The following COG5 variants were observed in gnomAD, a reference collection of about 807,000 sequenced individuals.
The protein encoded by COG5 is conserved oligomeric Golgi complex subunit 5.
Under a neutral mutation model 110.4 loss-of-function variants are expected in COG5, and 86 were observed. That is an observed-to-expected ratio of 0.78 (90% confidence interval 0.65 to 0.93). The LOEUF is 0.93. Among genes scored for constraint, COG5 ranks in the 40% least tolerant of loss-of-function variants. The pLI, the probability that COG5 is intolerant of heterozygous loss-of-function variation, is 0.00. For missense variants in COG5, 1,077 were observed against 987.0 expected (o/e 1.09, Z -1.22); for synonymous variants, 360 against 334.6 (o/e 1.08, Z -0.83).
chr7:107,259,504 G>T (rs1447123277), intron 14 of COG5, among the ~76,000 whole-genome samples: 1 of 152,170 alleles, frequency 6.6e-6, no homozygotes, highest in African/African-American at 2.4e-5. Context: ...GCCAAGGTGA[G>T]GAGGTGGAGA....
intron 7 of COG5, among the ~76,000 whole-genome samples, chr7:107,380,514 A>G (rs578159656): frequency 6.6e-6 from 1 of 152,342 alleles, no homozygotes; most frequent in East Asian, 1.9e-4. Flanking sequence ...ATAAACTACC[A>G]TCAGAGAATA....
chr7:107,507,889 G>A (rs1345749966), intron 6 of COG5, among the ~76,000 whole-genome samples: 4 of 152,158 alleles, frequency 2.6e-5, no homozygotes, highest in African/African-American at 9.7e-5. Flanking sequence ...TTGGTTTTAA[G>A]AATATTCTCT....
chr7:107,562,915 C>G (rs1803997806), intron 1 of COG5, among the ~76,000 whole-genome samples: 1 of 152,116 alleles, frequency 6.6e-6, no homozygotes, highest in South Asian at 2.1e-4. Flanking sequence ...CAAGATACTG[C>G]TATTCACACT....
chr7:107,505,870 G>A (rs1798956752), intron 6 of COG5, among the ~76,000 whole-genome samples: 1 of 152,196 alleles, frequency 6.6e-6, no homozygotes, highest in Non-Finnish European at 1.5e-5. Flanking sequence ...GATGCCCAGT[G>A]TGGCTGCCAT....
chr7:107,287,037 C>CA (rs1394005262), intron 12 of COG5, among the ~76,000 whole-genome samples: 1 of 152,188 alleles, frequency 6.6e-6, no homozygotes, highest in Non-Finnish European at 1.5e-5. Flanking sequence ...CTTGGACCTA[C>CA]AGACAGAACA....
At chr7:107,206,608 T>G (rs2116138546) in intron 21 of COG5, among the ~76,000 whole-genome samples, 1 of 152,346 alleles carries the variant, frequency 6.6e-6, no homozygotes, top group East Asian at 1.9e-4. Flanking sequence ...GTATAAGAAG[T>G]GTTTAAATTC....
chr7:107,257,733 G>A (rs966017259), intron 15 of COG5, among the ~76,000 whole-genome samples: 1 of 151,910 alleles, frequency 6.6e-6, no homozygotes, highest in African/African-American at 2.4e-5. Context: ...AGACAAACAA[G>A]GTTCAGCCAT....
At chr7:107,423,568 T>A (rs969890837) in intron 6 of COG5, among the ~76,000 whole-genome samples, 2 of 151,776 alleles carry the variant, frequency 1.3e-5, no homozygotes, top group African/African-American at 4.8e-5. Flanking sequence ...AAACAAAGAA[T>A]GCTACAGAAC....
chr7:107,396,116 C>T lies in COG5; in HGVS notation c.669+16386G>A, dbSNP rs147072815. Among the ~76,000 whole-genome samples, 961 of 152,196 alleles carry T rather than the reference C, an allele frequency of 6.3e-3. 15 individuals are homozygous for T. The highest frequency in any genetic ancestry group is 0.022 in the African/African-American group (916 of 41,546). On this transcript the variant is annotated intron_variant, in intron 7 of 21. Coordinates refer to ENST00000297135, the MANE Select transcript of COG5 (RefSeq NM_006348.5). ...CATATGCTCCATTATGTTACACACA[C>T]GTAACACTTTTTCTGGAGATAACAC...
intron 17 of COG5, among the ~76,000 whole-genome samples, chr7:107,244,493 A>C (rs941096750): frequency 1.3e-5 from 2 of 152,212 alleles, no homozygotes; most frequent in African/African-American, 4.8e-5. Flanking sequence ...ACTGAGGAAA[A>C]CAGAGACATG....
intron 6 of COG5, among the ~76,000 whole-genome samples, chr7:107,455,767 T>C (rs1795627422): frequency 6.6e-6 from 1 of 152,110 alleles, no homozygotes; most frequent in African/African-American, 2.4e-5. Context: ...GAAGCATTTA[T>C]GAAAGAAAAC....
At chr7:107,280,219 T>A (rs1470729831) in intron 14 of COG5, among the ~76,000 whole-genome samples, 1 of 152,120 alleles carries the variant, frequency 6.6e-6, no homozygotes, top group Non-Finnish European at 1.5e-5. Context: ...TATCTCTGTA[T>A]GGTTAGTTTT....
intron 1 of COG5, among the ~76,000 whole-genome samples, chr7:107,561,970 C>T (rs1406009839): frequency 6.6e-6 from 1 of 150,654 alleles, no homozygotes; most frequent in Non-Finnish European, 1.5e-5. Flanking sequence ...CGCGAGACTC[C>T]GTCTCAAAAA....
chr7:107,494,265 C>A (rs1798138159), intron 6 of COG5, among the ~76,000 whole-genome samples: 1 of 152,136 alleles, frequency 6.6e-6, no homozygotes, highest in African/African-American at 2.4e-5. Flanking sequence ...AAATTAGTTT[C>A]ATCTAGCTTC....
chr7:107,506,858 G>A (rs903002092), intron 6 of COG5, among the ~76,000 whole-genome samples: 4 of 152,274 alleles, frequency 2.6e-5, no homozygotes, highest in Non-Finnish European at 4.4e-5. Flanking sequence ...TTCCTCATTC[G>A]AGGTTATCAT....
chr7:107,393,563 C>T (rs924661818), intron 7 of COG5, among the ~76,000 whole-genome samples: 1 of 152,130 alleles, frequency 6.6e-6, no homozygotes, highest in African/African-American at 2.4e-5. Context: ...AGGGGGTGGG[C>T]CCACAGCTGC....
intron 6 of COG5, among the ~76,000 whole-genome samples, chr7:107,451,065 T>C (rs1274446514): frequency 2.6e-5 from 4 of 152,170 alleles, no homozygotes; most frequent in African/African-American, 4.8e-5. Flanking sequence ...AGAGAGAACA[T>C]AATTTAAGTC....
intron 12 of COG5, among the ~76,000 whole-genome samples, chr7:107,285,235 T>C (rs1354986581): frequency 6.6e-6 from 1 of 152,186 alleles, no homozygotes; most frequent in African/African-American, 2.4e-5. Flanking sequence ...AAGACCATGA[T>C]GGAAGCATGA....
chr7:107,385,999 TG>T, intron 7 of COG5, among the ~76,000 whole-genome samples: 1 of 150,698 alleles, frequency 6.6e-6, no homozygotes, highest in East Asian at 1.9e-4. Flanking sequence ...TGTGTGTGTG[TG>T]TGTGTGTGTG....
Sources: gnomAD v4.1 joint callset for allele counts (sites outside exome capture counted in the v4.1 genomes callset) on GRCh38, gnomAD v4.1.1 for gene constraint, MANE v1.5 for transcripts, NCBI Gene and HGNC (gene_info 2026-07-23, HGNC 2026-07-21) for gene names.